AFF3: variants seen among roughly 807,000 people sequenced by gnomAD.
The protein encoded by AFF3 is ALF transcription elongation factor 3.
A neutral mutation model predicts 129.7 loss-of-function variants in AFF3; 32 were observed. The observed-to-expected ratio is 0.25, with a 90% CI of 0.19 to 0.33. The LOEUF is 0.33. Ranked by LOEUF, AFF3 falls within the 10% of genes least tolerant of loss-of-function variation. AFF3 has a pLI of 1.00. For missense variants in AFF3, 1,373 were observed against 1,592.0 expected (o/e 0.86, Z 2.34); for synonymous variants, 644 against 635.4 (o/e 1.01, Z -0.20).
At chr2:100,050,406 T>C (rs1221771615) in intron 4 of AFF3, among the ~76,000 whole-genome samples, 6 of 152,002 alleles carry the variant, frequency 3.9e-5, no homozygotes, top group Admixed American at 2.6e-4. Context: ...GAAGTCTTGA[T>C]CATAGCTCAC....
At chr2:99,987,921 C>CT (rs1161622434) in intron 7 of AFF3, among the ~76,000 whole-genome samples, 1 of 152,150 alleles carries the variant, frequency 6.6e-6, no homozygotes, top group Non-Finnish European at 1.5e-5. Flanking sequence ...ATTTTTAAAG[C>CT]TTTTTTATTT....
chr2:99,788,510 A>G (rs1684966981), intron 8 of AFF3, among the ~76,000 whole-genome samples: 5 of 152,256 alleles, frequency 3.3e-5, no homozygotes, highest in Admixed American at 3.3e-4. Flanking sequence ...TAAGGATGTA[A>G]AGAAACTATT....
At chr2:99,892,104 G>A (rs1201666876) in intron 7 of AFF3, among the ~76,000 whole-genome samples, 1 of 152,034 alleles carries the variant, frequency 6.6e-6, no homozygotes, top group Admixed American at 6.5e-5. Context: ...TTACAGGCAT[G>A]AGCCACCACA....
chr2:100,106,475 C>T (rs1189374086), intron 2 of AFF3: 1 of 1,019,826 alleles, frequency 9.8e-7, no homozygotes, highest in African/African-American at 1.7e-5. Context: ...CTAATATCCC[C>T]TTAGCATACG....
At chr2:99,663,408 C>CTTTA (rs758733135) in intron 12 of AFF3, among the ~76,000 whole-genome samples, 10 of 152,146 alleles carry the variant, frequency 6.6e-5, no homozygotes, top group Non-Finnish European at 1.3e-4. Flanking sequence ...TGAAGCAAGG[C>CTTTA]TTTACATTAT....
chr2:99,664,920 C>T (rs749567263), intron 12 of AFF3, among the ~76,000 whole-genome samples: 4 of 152,188 alleles, frequency 2.6e-5, no homozygotes, highest in Non-Finnish European at 5.9e-5. Context: ...TACTGTGAGA[C>T]GGACTAACTG....
At chr2:99,874,872 T>C (rs1377640241) in intron 7 of AFF3, among the ~76,000 whole-genome samples, 1 of 152,118 alleles carries the variant, frequency 6.6e-6, no homozygotes, top group Non-Finnish European at 1.5e-5. Context: ...GCATGATGTC[T>C]GCAAGTTACT....
intron 11 of AFF3, among the ~76,000 whole-genome samples, chr2:99,698,378 A>C (rs1374967812): frequency 6.6e-6 from 1 of 152,172 alleles, no homozygotes; most frequent in African/African-American, 2.4e-5. Context: ...GCTGTCCAGC[A>C]TTGGGGTGCT....
chr2:99,678,234 C>G (rs185855213), intron 11 of AFF3, among the ~76,000 whole-genome samples: 3 of 152,200 alleles, frequency 2.0e-5, no homozygotes, highest in Non-Finnish European at 2.9e-5. Flanking sequence ...TTCAGTACAA[C>G]CTTTGCAATT....
At chr2:99,824,218 T>C (rs1253710185) in intron 8 of AFF3, among the ~76,000 whole-genome samples, 1 of 151,968 alleles carries the variant, frequency 6.6e-6, no homozygotes, top group Non-Finnish European at 1.5e-5. Context: ...AGGGTTCAAG[T>C]GATTCTCCTG....
chr2:99,897,636 C>T (rs1181844465), intron 7 of AFF3, among the ~76,000 whole-genome samples: 2 of 152,138 alleles, frequency 1.3e-5, no homozygotes, highest in Non-Finnish European at 1.5e-5. Flanking sequence ...TTTTAGTGCC[C>T]GGTTCTAACT....
chr2:99,580,481 C>T (rs1477184076), intron 17 of AFF3, among the ~76,000 whole-genome samples: 3 of 152,198 alleles, frequency 2.0e-5, no homozygotes, highest in Non-Finnish European at 4.4e-5. Flanking sequence ...TTTTAGTTGT[C>T]ACCACTGCGA....
At chr2:99,649,803 A>G in intron 12 of AFF3, 137 bp from the exon 13 acceptor site, 1 of 841,100 alleles carries the variant, frequency 1.2e-6, no homozygotes, top group Non-Finnish European at 2.0e-6. Context: ...ACTAGCAATG[A>G]AGTAGAGAGC....
chr2:100,043,640 T>C (rs1685609448), intron 4 of AFF3, among the ~76,000 whole-genome samples: 1 of 152,154 alleles, frequency 6.6e-6, no homozygotes, highest in African/African-American at 2.4e-5. Flanking sequence ...AAAATAAAAC[T>C]TTTTTTAACC....
At chr2:99,773,715 G>T (rs1012887130) in intron 8 of AFF3, among the ~76,000 whole-genome samples, 3 of 152,176 alleles carry the variant, frequency 2.0e-5, no homozygotes, top group Admixed American at 2.0e-4. Context: ...CATAGTATTG[G>T]AAGTTCTGGC....
chr2:100,077,099 C>T (rs952500373), intron 4 of AFF3, among the ~76,000 whole-genome samples: 14 of 151,854 alleles, frequency 9.2e-5, no homozygotes, highest in African/African-American at 2.4e-4. Flanking sequence ...AAATTCAAAA[C>T]GTAGCCGGGC....
chr2:99,760,437 T>C (rs1420139004), intron 8 of AFF3, among the ~76,000 whole-genome samples: 2 of 152,224 alleles, frequency 1.3e-5, no homozygotes, highest in Non-Finnish European at 2.9e-5. Flanking sequence ...TTGATAAAAA[T>C]GTATTTCATT....
intron 4 of AFF3, among the ~76,000 whole-genome samples, chr2:100,021,167 C>A (rs1284928798): frequency 6.6e-6 from 1 of 152,176 alleles, no homozygotes; most frequent in African/African-American, 2.4e-5. Flanking sequence ...GTACGTAGAA[C>A]CCTCCACTCT....
At chr2:99,667,394 A>G (rs1456160032) in intron 12 of AFF3, among the ~76,000 whole-genome samples, 1 of 152,226 alleles carries the variant, frequency 6.6e-6, no homozygotes, top group African/African-American at 2.4e-5. Flanking sequence ...TATAGCACTA[A>G]ATACTTATAT....
Sources: gnomAD v4.1 joint callset for allele counts (sites outside exome capture counted in the v4.1 genomes callset) on GRCh38, gnomAD v4.1.1 for gene constraint, MANE v1.5 for transcripts, NCBI Gene and HGNC (gene_info 2026-07-23, HGNC 2026-07-21) for gene names.